The following HAS3 variants were observed in gnomAD, a reference collection of about 807,000 sequenced individuals.
HAS3 encodes hyaluronan synthase 3.
In HAS3, 27 loss-of-function variants were observed where a neutral mutation model predicts 50.3. The ratio of observed to expected loss-of-function variants is 0.54; its 90% CI spans 0.40 to 0.74. The LOEUF is 0.74. HAS3 is among the 30% of genes least tolerant of loss of function. HAS3 has a pLI of 0.00. For missense variants in HAS3, 517 were observed against 742.8 expected, an observed-to-expected ratio of 0.70 and a Z score of 3.53; for synonymous variants, 339 against 310.9, an observed-to-expected ratio of 1.09 and a Z score of -0.95.
the HAS3 span, among the ~76,000 whole-genome samples, chr16:69,094,256 A>C: frequency 6.6e-6 from 1 of 152,140 alleles, no homozygotes; most frequent in African/African-American, 2.4e-5. Flanking sequence ...CTAATGTATT[A>C]TCACACACAC....
downstream of HAS3, chr16:69,118,132 C>CCCCCCA: frequency 5.6e-6 from 2 of 354,696 alleles, no homozygotes. Flanking sequence ...CCCCCACCCC[C>CCCCCCA]ACCCTAATTC....
At chr16:69,087,214 C>A in the HAS3 span, among the ~76,000 whole-genome samples, 1 of 152,156 alleles carries the variant, frequency 6.6e-6, no homozygotes, top group Non-Finnish European at 1.5e-5. Flanking sequence ...CTTCTAGGCT[C>A]TTCCTCCTCT....
At chr16:69,110,303 T>A (rs1960957252) in intron 2 of HAS3, among the ~76,000 whole-genome samples, 1 of 152,062 alleles carries the variant, frequency 6.6e-6, no homozygotes, top group Admixed American at 6.6e-5. Context: ...TATAAAAAAT[T>A]AGCCGGGCAT....
the HAS3 span, among the ~76,000 whole-genome samples, chr16:69,092,702 A>G: frequency 1.3e-5 from 2 of 152,070 alleles, no homozygotes; most frequent in African/African-American, 4.8e-5. Flanking sequence ...GTCCTAGTAC[A>G]TCAAAACCCA....
Position 69,107,375 on chromosome 16 carries a change from C to T in HAS3, c.-1+1588C>T. The T allele has an allele frequency of 1.0e-6, 1 of 985,186 alleles. No homozygotes were observed. Among genetic ancestry groups the T allele is most frequent in the South Asian group, 4.7e-5 (1 of 21,284 alleles). 61.0% of individuals were successfully genotyped at this position (985,186 alleles called of 1,614,324 possible). On this transcript the variant is annotated intron_variant, in intron 1 of 3. Coordinates refer to ENST00000569188, the MANE Select transcript of HAS3 (RefSeq NM_001199280.2). The surrounding 1 kb of genome is among the most constrained non-coding windows in gnomAD (Gnocchi z 5.5). ...GGATGCGCCTTTGTCTACAGGCACA[C>T]TTTGCCAAGGTAGCTGGGGTACCAG...
chr16:69,107,456 T>A lies in HAS3; in HGVS notation c.-1+1669T>A. 4.1e-6 allele frequency: 4 copies of A among 985,566 alleles called. No individual in the cohort carries two copies. The South Asian group carries it at 1.4e-4, about 35-fold the overall frequency. 61.1% of individuals were successfully genotyped at this position (985,566 alleles called of 1,614,324 possible). ...CTTGGGTTTTCCGTTCCTTCCCGGT[T>A]GGGTCGTGGGAAAGCGGCACGTGGG... On this transcript the variant is annotated intron_variant, in intron 1 of 3. Coordinates refer to ENST00000569188, the MANE Select transcript of HAS3 (RefSeq NM_001199280.2). The surrounding 1 kb of genome is among the most constrained non-coding windows in gnomAD (Gnocchi z 5.5).
rs1317090854 is a variant in HAS3, at chr16:69,106,853, CAA to C, written c.-1+1067_-1+1068del. 6.6e-6 allele frequency: 1 copy of C among 152,160 alleles called. No individual in the cohort carries two copies. The highest frequency in any genetic ancestry group is 2.4e-5 in the African/African-American group (1 of 41,456). 9.4% of individuals were successfully genotyped at this position (152,160 alleles called of 1,614,324 possible). ...AAGAGGAGGAGCCCCGTTGGGCGCACAAGTTTCCATGCCGCTGCGTGTGGCCC... is the reference window on the plus strand; with the variant it reads ...AAGAGGAGGAGCCCCGTTGGGCGCACGTTTCCATGCCGCTGCGTGTGGCCC... On this transcript the variant is annotated intron_variant, in intron 1 of 3. Coordinates refer to ENST00000569188, the MANE Select transcript of HAS3 (RefSeq NM_001199280.2). This position sits in a 1 kb window ranked among gnomAD's most constrained non-coding sequence, Gnocchi z 5.5.
Position 69,110,037 on chromosome 16 carries a change from G to C in HAS3, c.636+6G>C. Reference sequence around the variant, plus strand: ...ATTCGGTGGACTACATCCAGGTAAGGGCGCCTCCCTAGGAGCGTGTGTACA... The same window carrying C: ...ATTCGGTGGACTACATCCAGGTAAGCGCGCCTCCCTAGGAGCGTGTGTACA... On this transcript the variant is annotated splice_donor_region_variant and intron_variant, in intron 2 of 3. Transcript: ENST00000569188. The C allele has an allele frequency of 1.2e-6, 2 of 1,600,794 alleles. No individual in the cohort carries two copies. The highest frequency in any genetic ancestry group is 1.7e-6 in the Non-Finnish European group (2 of 1,171,498).
intron 1 of HAS3, 93 bp downstream of exon 1, chr16:69,105,880 A>C (rs923243091): frequency 3.3e-5 from 5 of 152,222 alleles, no homozygotes; most frequent in African/African-American, 9.6e-5. Context: ...TGGAAAGTTA[A>C]CGACGCTTCA....
the HAS3 span, among the ~76,000 whole-genome samples, chr16:69,091,122 TC>T: frequency 1.3e-5 from 2 of 152,122 alleles, no homozygotes; most frequent in African/African-American, 2.4e-5. Flanking sequence ...TCACCTCAAC[TC>T]CTGCCCAAGA....
In HAS3 at chr16:69,107,678, G is replaced by T. The variant is rs1597092942; in HGVS notation, c.1-1718G>T. 1 of 985,460 alleles carries T rather than the reference G, an allele frequency of 1.0e-6. No homozygotes were observed. The highest frequency in any genetic ancestry group is 1.2e-6 in the Non-Finnish European group (1 of 830,050). 61.0% of individuals were successfully genotyped at this position (985,460 alleles called of 1,614,324 possible). ...GAGCGCAGGCAGGCAGGGGGGTCCC[G>T]CCGCGCCCCTTCAGCATGTAAGCTC... On this transcript the variant is annotated intron_variant, in intron 1 of 3. Transcript: ENST00000569188. This position sits in a 1 kb window ranked among gnomAD's most constrained non-coding sequence, Gnocchi z 5.5.
the HAS3 span, among the ~76,000 whole-genome samples, chr16:69,085,488 C>T: frequency 6.6e-6 from 1 of 152,096 alleles, no homozygotes; most frequent in Non-Finnish European, 1.5e-5. Context: ...CTATTCTCAA[C>T]TTCTGGACTC....
Position 69,107,900 on chromosome 16 carries a change from C to T in HAS3, c.1-1496C>T, listed in dbSNP as rs1409968597. Among the ~76,000 whole-genome samples, 1 of 152,238 alleles carries T rather than the reference C, an allele frequency of 6.6e-6. No homozygotes were observed. The highest frequency in any genetic ancestry group is 1.5e-5 in the Non-Finnish European group (1 of 68,036). On this transcript the variant is annotated intron_variant, in intron 1 of 3. Transcript: ENST00000569188. This position sits in a 1 kb window ranked among gnomAD's most constrained non-coding sequence, Gnocchi z 5.5. ...AGGCTAGGCTGCCAGCAGCTCTTTTCGGGCCAACGCTGCTGGAAGGCTGCT... is the reference window on the plus strand; with the variant it reads ...AGGCTAGGCTGCCAGCAGCTCTTTTTGGGCCAACGCTGCTGGAAGGCTGCT...
the HAS3 span, among the ~76,000 whole-genome samples, chr16:69,095,932 A>G: frequency 1.3e-5 from 2 of 152,162 alleles, no homozygotes; most frequent in African/African-American, 4.8e-5. Context: ...TTGTGGGGCC[A>G]TGGCTGGGCG....
At position 69,115,287 on chromosome 16, in the gene HAS3, G is replaced by C; in HGVS notation, c.*21G>C. ...TGTGACATGGCCCCCAAGCAGAGCG[G>C]GTAAAGTGCAATGGGTAAGGGAGGG... On this transcript the variant is annotated 3_prime_UTR_variant, in exon 4 of 4. Coordinates refer to ENST00000569188, the MANE Select transcript of HAS3 (RefSeq NM_001199280.2). 2 of 1,509,482 alleles carry C rather than the reference G, an allele frequency of 1.3e-6. No homozygotes were observed. The highest frequency in any genetic ancestry group is 1.8e-6 in the Non-Finnish European group (2 of 1,131,972). 93.5% of individuals were successfully genotyped at this position (1,509,482 alleles called of 1,614,324 possible). A position where few individuals can be genotyped will look rare whatever the true frequency, so the allele number is the denominator to read the frequency against.
the HAS3 span, chr16:69,084,030 C>A: frequency 6.0e-6 from 1 of 167,858 alleles, no homozygotes; most frequent in Non-Finnish European, 1.3e-5. Context: ...GGTTGGCCAC[C>A]CATATGTCAC....
chr16:69,118,427 T>C, downstream of HAS3: 1 of 1,612,848 alleles, frequency 6.2e-7, no homozygotes, highest in Non-Finnish European at 8.5e-7. Context: ...GGAAGCATGG[T>C]CCGTTCACCA....
chr16:69,116,275 T>G lies in HAS3; in HGVS notation c.*1009T>G. 4.1e-6 allele frequency: 4 copies of G among 985,708 alleles called. No homozygotes were observed. Among genetic ancestry groups the G allele is most frequent in the Non-Finnish European group, 4.8e-6 (4 of 829,920 alleles). The allele number at this position is 985,708 out of a possible 1,614,324, so 61.1% of individuals were successfully genotyped here. ...ATCATCATAGGTAAGGTTTTCAAGG[T>G]GGCAATTGGGGCGGAGCCCCGGCTC... On this transcript the variant is annotated 3_prime_UTR_variant, in exon 4 of 4. Coordinates refer to ENST00000569188, the MANE Select transcript of HAS3 (RefSeq NM_001199280.2).
chr16:69,083,882 C>T, the HAS3 span: 11 of 477,646 alleles, frequency 2.3e-5, no homozygotes, highest in Non-Finnish European at 3.7e-6. Flanking sequence ...TAAGAGAAGA[C>T]AGTTACAGAT....
Sources: gnomAD v4.1 joint callset for allele counts (sites outside exome capture counted in the v4.1 genomes callset) on GRCh38, gnomAD v4.1.1 for gene constraint, Gnocchi (gnomAD v3.1) non-coding constraint, MANE v1.5 for transcripts, NCBI Gene and HGNC (gene_info 2026-07-23, HGNC 2026-07-21) for gene names.